DDX51: variants seen among roughly 807,000 people sequenced by gnomAD.
The protein encoded by DDX51 is DEAD-box helicase 51.
In DDX51, 67 loss-of-function variants were observed where a neutral mutation model predicts 74.6. That is an observed-to-expected ratio of 0.90 (90% confidence interval 0.74 to 1.10). The LOEUF (loss-of-function observed/expected upper bound fraction) is 1.10, where lower values mean the gene tolerates loss of function less well. Among genes scored for constraint, DDX51 ranks in the 50% least tolerant of loss-of-function variants. The pLI is 0.00. For synonymous variants in DDX51, 545 were observed against 402.9 expected (o/e 1.35, Z -4.22); for missense variants, 1,056 against 905.2 (o/e 1.17, Z -2.14).
rs374818022 is a variant in DDX51, at chr12:132,142,085, G to A, written c.888+34C>T. 6.0e-5 allele frequency: 94 copies of A among 1,559,624 alleles called. 1 individual carries two copies. In the African/African-American group the frequency reaches 1.2e-3, roughly 19 times the overall value. ...GCACTCAGCAGGGAAGCTGAGGCGGGCGGTGCCACGCTCCAGGTCTAGGGT... is the reference window on the plus strand; with the variant it reads ...GCACTCAGCAGGGAAGCTGAGGCGGACGGTGCCACGCTCCAGGTCTAGGGT... On this transcript the variant is annotated intron_variant, in intron 5 of 14. Transcript: ENST00000397333.
At chr12:132,141,668 C>A in intron 6 of DDX51, 62 bp from the exon 7 acceptor site, 1 of 1,519,054 alleles carries the variant, frequency 6.6e-7, no homozygotes, top group East Asian at 2.3e-5. Flanking sequence ...GATAGCAAGA[C>A]GCTGCCTCAC....
chr12:132,138,790 G>A lies in DDX51; in HGVS notation c.*482C>T, dbSNP rs1011441790. Reference sequence around the variant, plus strand: ...TGCACCACCACGCCTGGCTAATTTTGTATTTTTAGTAGAGACAGGGTTTCT... The same window carrying A: ...TGCACCACCACGCCTGGCTAATTTTATATTTTTAGTAGAGACAGGGTTTCT... On this transcript the variant is annotated 3_prime_UTR_variant, in exon 15 of 15. Coordinates refer to ENST00000397333, the MANE Select transcript of DDX51 (RefSeq NM_175066.4). The A allele has an allele frequency of 6.5e-6, 1 of 154,546 alleles. No homozygotes were observed. The highest frequency in any genetic ancestry group is 1.4e-5 in the Non-Finnish European group (1 of 70,012). The allele number at this position is 154,546 out of a possible 1,614,324, so 9.6% of individuals were successfully genotyped here.
At position 132,141,423 on chromosome 12, in the gene DDX51, G is replaced by A; in HGVS notation, c.1105-3C>T. 1.3e-6 allele frequency: 2 copies of A among 1,589,474 alleles called. No individual in the cohort carries two copies. The highest frequency in any genetic ancestry group is 1.1e-5 in the South Asian group (1 of 90,442). On this transcript the variant is annotated splice_region_variant and splice_polypyrimidine_tract_variant and intron_variant, in intron 7 of 14. Coordinates refer to ENST00000397333, the MANE Select transcript of DDX51 (RefSeq NM_175066.4). ...ATCCGGTCAGCCTCGTCGATAATCT[G>A]CAGGAGACAGGGAGCCCGGGACTGG...
At chr12:132,143,305 G>C (rs544767419) in intron 2 of DDX51, 6 of 410,670 alleles carry the variant, frequency 1.5e-5, no homozygotes, top group Non-Finnish European at 2.6e-5. Context: ...CAAACTTCTC[G>C]CTTTCTTCAC....
At chr12:132,141,243 G>A (rs773454255) in intron 8 of DDX51, 32 bp downstream of exon 8, 3 of 1,569,184 alleles carry the variant, frequency 1.9e-6, no homozygotes, top group South Asian at 1.1e-5. Context: ...TCTGCTCAGG[G>A]GAGGCCAGCA....
chr12:132,144,116 C>T lies in DDX51; in HGVS notation c.181G>A (p.Glu61Lys), dbSNP rs1046883791. ...CGCCGTCGCCTCCTGGTCGCCGGCTCGGTCGATGCAGCCGCCTCGGTCTGC... is the reference window on the plus strand; with the variant it reads ...CGCCGTCGCCTCCTGGTCGCCGGCTTGGTCGATGCAGCCGCCTCGGTCTGC... Reference protein sequence around the residue: ...PAQTEAAASTEPATRRRRRPR... With the variant: ...PAQTEAAASTKPATRRRRRPR... Residue 61 changes from glutamate to lysine, a missense_variant, in exon 1 of 15, where the codon GAG (glutamate) becomes AAG (lysine). Transcript: ENST00000397333. 11 of 1,216,770 alleles carry T rather than the reference C, an allele frequency of 9.0e-6. No homozygotes were observed. The highest frequency in any genetic ancestry group is 7.1e-5 in the East Asian group (2 of 28,354). 75.4% of individuals were successfully genotyped at this position (1,216,770 alleles called of 1,614,324 possible).
chr12:132,143,905 GC>G lies in DDX51; in HGVS notation c.308del (p.Ser103ThrfsTer126). The G allele has an allele frequency of 6.6e-7, 1 of 1,517,782 alleles. No homozygotes were observed. The highest frequency in any genetic ancestry group is 2.6e-5 in the East Asian group (1 of 37,750). 94.0% of individuals were successfully genotyped at this position (1,517,782 alleles called of 1,614,324 possible). On this transcript the variant is annotated frameshift_variant, in exon 2 of 15. Transcript: ENST00000397333. LOFTEE classifies it high-confidence loss of function. ...KADGEDAGAE[S>X]NEEAPGEPSA... is the part of the protein sequence containing the mutation. ...TGGGCTCCCCTGGCGCCTCCTCGTT[GC>G]TTTCTGCGAGGCAGACACCCACCCG...
In DDX51 at chr12:132,140,470, G is replaced by C. The variant is rs761546704; in HGVS notation, c.1626C>G (p.Gly542=). The change falls in exon 11 of 15, where the codon GGC becomes GGG. Residue 542 remains glycine (G), a synonymous_variant. Coordinates refer to ENST00000397333, the MANE Select transcript of DDX51 (RefSeq NM_175066.4). ...VAEFSSRYGP[G]QRRMILKQFE... is the part of the protein sequence containing the mutation. Reference sequence around the variant, plus strand: ...ACTGCTTCAGGATCATCCTCCTCTGGCCAGGCCCGTAGCGCGAGGAGAACT... The same window carrying C: ...ACTGCTTCAGGATCATCCTCCTCTGCCCAGGCCCGTAGCGCGAGGAGAACT... 9 of 1,613,132 alleles carry C rather than the reference G, an allele frequency of 5.6e-6. No individual in the cohort carries two copies. In the African/African-American group the frequency reaches 9.3e-5, roughly 17 times the overall value.
In DDX51 at chr12:132,142,445, G is replaced by A. The variant is rs770720039; in HGVS notation, c.671-23C>T. 5.6e-6 allele frequency: 9 copies of A among 1,608,314 alleles called. No homozygotes were observed. In the South Asian group the frequency reaches 6.6e-5, roughly 12 times the overall value. On this transcript the variant is annotated intron_variant, in intron 3 of 14. Coordinates refer to ENST00000397333, the MANE Select transcript of DDX51 (RefSeq NM_175066.4). ...GGACTGGATGAGGAAAGGCGAGAGAGAAGTCGTGTTTACGCCTAGGCCTAG... is the reference window on the plus strand; with the variant it reads ...GGACTGGATGAGGAAAGGCGAGAGAAAAGTCGTGTTTACGCCTAGGCCTAG...
chr12:132,143,275 A>C, intron 2 of DDX51: 1 of 398,356 alleles, frequency 2.5e-6, no homozygotes, highest in Non-Finnish European at 4.6e-6. Context: ...TGCCCTACCT[A>C]AGGTGCCCGA....
At chr12:132,143,619 G>T (rs1897569186) in intron 2 of DDX51, 76 bp downstream of exon 2, 7 of 1,506,532 alleles carry the variant, frequency 4.6e-6, no homozygotes, top group Non-Finnish European at 5.3e-6. Flanking sequence ...GAAATCTTCC[G>T]GGGCGACCGC....
At chr12:132,139,401 G>A (rs1897361737) in intron 14 of DDX51, 103 bp from the exon 15 acceptor site, 10 of 1,551,468 alleles carry the variant, frequency 6.4e-6, no homozygotes, top group Middle Eastern at 1.7e-4. Flanking sequence ...GAAGCCCTGT[G>A]CATGCAGAAA....
chr12:132,143,772 G>A lies in DDX51; in HGVS notation c.442C>T (p.Pro148Ser). 6.6e-7 allele frequency: 1 copy of A among 1,522,714 alleles called. No individual in the cohort carries two copies. The highest frequency in any genetic ancestry group is 1.4e-5 in the African/African-American group (1 of 70,792). 94.3% of individuals were successfully genotyped at this position (1,522,714 alleles called of 1,614,324 possible). ...GGTCCGGCCGCCTCCTCCAGGGCCG[G>A]TCCATCTGGGGCCGCCTCGGCGCTG... ...SASAEAAPDG[P>S]ALEEAAGPLV... Residue 148 changes from proline to serine, a missense_variant, in exon 2 of 15, where the codon CCG (proline) becomes TCG (serine). Pro to Ser is a moderately conservative substitution (Grantham distance 74, BLOSUM62 -1). Coordinates refer to ENST00000397333, the MANE Select transcript of DDX51 (RefSeq NM_175066.4).
At position 132,139,888 on chromosome 12, in the gene DDX51, C is replaced by A. The variant is rs752937577; in HGVS notation, c.1812G>T (p.Gln604His). 9 of 1,613,190 alleles carry A rather than the reference C, an allele frequency of 5.6e-6. No individual in the cohort carries two copies. Among genetic ancestry groups the A allele is most frequent in the South Asian group, 1.1e-5 (1 of 91,092 alleles). ...GRTARAGKTG[Q>H]AFTLLLKVQE... ...GCACTTTCAGGAGCAGTGTGAAGGCCTGTCCAGTTTTCCCAGCGCGAGCTG... is the reference window on the plus strand; with the variant it reads ...GCACTTTCAGGAGCAGTGTGAAGGCATGTCCAGTTTTCCCAGCGCGAGCTG... The change falls in exon 13 of 15, where the codon CAG becomes CAT. Residue 604 changes from glutamine to histidine, a missense_variant. Gln to His is a conservative substitution (Grantham distance 24, BLOSUM62 0). Transcript: ENST00000397333.
At chr12:132,142,975 C>T (rs945469248) in intron 2 of DDX51, 97 bp from the exon 3 acceptor site, 2 of 1,535,782 alleles carry the variant, frequency 1.3e-6, no homozygotes, top group Non-Finnish European at 1.8e-6. Context: ...GCTGGGGAAA[C>T]CTCTGTCGTC....
chr12:132,139,566 T>A lies in DDX51; in HGVS notation c.1974+69A>T, dbSNP rs1314247744. 3 of 1,610,764 alleles carry A rather than the reference T, an allele frequency of 1.9e-6. No homozygotes were observed. The African/African-American group carries it at 4.0e-5, about 22-fold the overall frequency. ...CCTCTTTTTCCCTCTTTTCTCCACG[T>A]GTGGTGACGACGCCCTCTCTGCAAA... On this transcript the variant is annotated intron_variant, in intron 14 of 14. Coordinates refer to ENST00000397333, the MANE Select transcript of DDX51 (RefSeq NM_175066.4).
intron 2 of DDX51, 42 bp from the exon 3 acceptor site, chr12:132,142,920 G>T: frequency 6.2e-7 from 1 of 1,609,164 alleles, no homozygotes; most frequent in East Asian, 2.2e-5. Context: ...GCGCTTTCCA[G>T]GCTCTCGCGC....
At position 132,141,493 on chromosome 12, in the gene DDX51, C is replaced by A; in HGVS notation, c.1104+5G>T. 1.3e-6 allele frequency: 2 copies of A among 1,586,720 alleles called. No individual in the cohort carries two copies. Among genetic ancestry groups the A allele is most frequent in the Non-Finnish European group, 1.7e-6 (2 of 1,169,376 alleles). On this transcript the variant is annotated splice_donor_5th_base_variant and intron_variant, in intron 7 of 14. Transcript: ENST00000397333. ...AAAGCCCAGGCCCCTGGGGCGGGGA[C>A]CTACCAGGAAGCGGAGCTGCTGGAG...
intron 1 of DDX51, 33 bp downstream of exon 1, chr12:132,143,960 C>A (rs1897592986): frequency 1.4e-6 from 2 of 1,454,526 alleles, no homozygotes; most frequent in Non-Finnish European, 1.8e-6. Context: ...GTCGCCGGCG[C>A]CCCAGAGGGA....
Sources: allele counts gnomAD v4.1 joint callset, GRCh38; gene constraint gnomAD v4.1.1; transcripts MANE v1.5; gene names NCBI Gene and HGNC (gene_info 2026-07-23, HGNC 2026-07-21).